TMEM230: variants seen among roughly 807,000 people sequenced by gnomAD.
The protein encoded by TMEM230 is UPF0414 transmembrane protein C20orf30.
A neutral mutation model predicts 15.8 loss-of-function variants in TMEM230; 10 were observed. That is an observed-to-expected ratio of 0.63 (90% CI 0.39 to 1.07). TMEM230 has a LOEUF of 1.07. Ranked by LOEUF, TMEM230 falls within the 50% of genes least tolerant of loss-of-function variation. The pLI, the probability that TMEM230 is intolerant of heterozygous loss-of-function variation, is 0.01. For synonymous variants in TMEM230, 67 were observed against 76.9 expected (o/e 0.87, Z 0.68); for missense variants, 165 against 193.3 (o/e 0.85, Z 0.87).
rs2090384735 is a variant in TMEM230 at position 5,112,896 on chromosome 20, G to A, written c.68+65C>T. 3 of 1,548,312 alleles carry A rather than the reference G, an allele frequency of 1.9e-6. No homozygotes were observed. The South Asian group carries it at 3.6e-5, about 18-fold the overall frequency. On this transcript the variant is annotated intron_variant, in intron 1 of 4. Coordinates refer to ENST00000342308, the MANE Select transcript of TMEM230 (RefSeq NM_001009923.2). Reference sequence around the variant, plus strand: ...GAGCTTGATTTCGGCGGGGAGCGCGGTCTCGGACACGCCCAGAGCCCGAGA... The same window carrying A: ...GAGCTTGATTTCGGCGGGGAGCGCGATCTCGGACACGCCCAGAGCCCGAGA...
chr20:5,080,659 C>T (rs559377839), intron 3 of TMEM230, among the ~76,000 whole-genome samples: 9 of 152,118 alleles, frequency 5.9e-5, no homozygotes, highest in African/African-American at 1.2e-4. Flanking sequence ...CTCTGCCTCC[C>T]GGATTCAAGT....
intron 3 of TMEM230, among the ~76,000 whole-genome samples, chr20:5,089,310 G>A (rs1052031550): frequency 1.3e-5 from 2 of 152,102 alleles, no homozygotes; most frequent in African/African-American, 4.8e-5. Context: ...GGGAGGCGGG[G>A]GTTGCAGTGA....
In TMEM230 at chr20:5,069,597, C is replaced by T. The variant is rs182994747; in HGVS notation, c.223-248G>A. Among the ~76,000 whole-genome samples the T allele has an allele frequency of 5.0e-3, 754 of 152,266 alleles. 5 individuals carry two copies. The highest frequency in any genetic ancestry group is 0.017 in the African/African-American group (722 of 41,550). On this transcript the variant is annotated intron_variant, in intron 3 of 3. Transcript: ENST00000612323. ...AGACACCGACATTTCCTTCCCTCCC[C>T]GTAGATGAATGCTGCAATGCATTTC...
chr20:5,106,292 T>C lies in TMEM230; in HGVS notation c.307A>G (p.Lys103Glu), dbSNP rs373516644. Residue 103 changes from lysine (K) to glutamate (E), a missense_variant, in exon 4 of 5, where the codon AAG becomes GAG. Transcript: ENST00000342308. ...AGTGCGATGGCCTTATAAGGGATCT[T>C]AGGAGGGGTTTTCTTAAACTGGAAG... 1 of 1,605,952 alleles carries C rather than the reference T, an allele frequency of 6.2e-7. No individual in the cohort carries two copies. Among genetic ancestry groups the C allele is most frequent in the Non-Finnish European group, 8.5e-7 (1 of 1,177,852 alleles).
chr20:5,088,378 A>C (rs1342249356), intron 3 of TMEM230, among the ~76,000 whole-genome samples: 2 of 152,180 alleles, frequency 1.3e-5, no homozygotes, highest in East Asian at 3.9e-4. Context: ...AGGGAAAAAA[A>C]GCCAGCATTT....
At chr20:5,099,683 C>T (rs2089778471), downstream of TMEM230, among the ~76,000 whole-genome samples, 1 of 151,936 alleles carries the variant, frequency 6.6e-6, no homozygotes, top group Non-Finnish European at 1.5e-5. Flanking sequence ...CTTCCCACAG[C>T]CTTGCAACTC....
At chr20:5,097,891 TGAGCC>T (rs781703966), downstream of TMEM230, among the ~76,000 whole-genome samples, 2 of 151,294 alleles carry the variant, frequency 1.3e-5, no homozygotes, top group Non-Finnish European at 2.9e-5. Flanking sequence ...ATTACAGGCG[TGAGCC>T]ACCGTACCAG....
downstream of TMEM230, among the ~76,000 whole-genome samples, chr20:5,099,237 AATCAATC>A (rs773033179): frequency 0.2 from 6,171 of 30,894 alleles, 206 homozygotes; most frequent in East Asian, 0.43. Flanking sequence ...TAAATAAATC[AATCAATC>A]AATAATAAAT....
At chr20:5,070,504 GGAA>G (rs368862302) in intron 3 of TMEM230, among the ~76,000 whole-genome samples, 436 of 152,262 alleles carry the variant, frequency 2.9e-3, no homozygotes, top group African/African-American at 9.8e-3. Flanking sequence ...AAGAGAACCT[GGAA>G]GAAGTTGTCT....
chr20:5,093,340 T>A (rs1383256403), intron 3 of TMEM230, among the ~76,000 whole-genome samples: 1 of 144,132 alleles, frequency 6.9e-6, no homozygotes, highest in Admixed American at 6.9e-5. Flanking sequence ...CTCCACCTCC[T>A]GGGCTCAAGC....
intron 3 of TMEM230, among the ~76,000 whole-genome samples, chr20:5,075,452 G>A (rs867432835): frequency 2.0e-5 from 3 of 151,800 alleles, no homozygotes; most frequent in Non-Finnish European, 2.9e-5. Flanking sequence ...GGCCAGGCGC[G>A]GTGGCTCATG....
downstream of TMEM230, chr20:5,099,700 T>A (rs2089779053): frequency 7.3e-6 from 2 of 273,834 alleles, no homozygotes; most frequent in South Asian, 2.9e-4. Context: ...ACTCAGCTGA[T>A]GGCATGTCCA....
chr20:5,106,895 C>T (rs889934417), intron 3 of TMEM230, among the ~76,000 whole-genome samples: 4 of 151,698 alleles, frequency 2.6e-5, no homozygotes, highest in South Asian at 2.1e-4. Flanking sequence ...TCTGTAGAGA[C>T]GAGGTCTCAC....
downstream of TMEM230, chr20:5,068,100 C>G (rs1156719747): frequency 6.6e-6 from 1 of 152,216 alleles, no homozygotes; most frequent in African/African-American, 2.4e-5. Flanking sequence ...CATCCATTAT[C>G]AAGGTCGTTC....
chr20:5,086,486 A>C (rs7264434), intron 3 of TMEM230, among the ~76,000 whole-genome samples: 99,522 of 145,372 alleles, frequency 0.68, 34,826 homozygotes, highest in East Asian at 0.84. Context: ...TTGCAGTAAG[A>C]CGAGATCACG....
chr20:5,069,437 T>G (rs905686218), intron 3 of TMEM230: 1 of 1,388,588 alleles, frequency 7.2e-7, no homozygotes, highest in Non-Finnish European at 9.6e-7. Flanking sequence ...AATCACATCT[T>G]ATGCATTTTG....
At chr20:5,108,393 T>C (rs2090178519) in intron 3 of TMEM230, among the ~76,000 whole-genome samples, 1 of 133,504 alleles carries the variant, frequency 7.5e-6, no homozygotes, top group South Asian at 2.2e-4. Flanking sequence ...CACTCCAGCC[T>C]GGGAAACAAG....
At chr20:5,099,745 T>C, downstream of TMEM230, 6 of 653,474 alleles carry the variant, frequency 9.2e-6, no homozygotes, top group Non-Finnish European at 1.1e-5. Flanking sequence ...ACCTCAGAGT[T>C]AGGGAAAGTT....
intron 2 of TMEM230, 117 bp from the exon 2 acceptor site, chr20:5,109,562 C>A: frequency 1.3e-6 from 1 of 780,452 alleles, no homozygotes; most frequent in Non-Finnish European, 2.1e-6. Context: ...CCATGTCAGA[C>A]TAGCAATGGG....
Sources: gnomAD v4.1 joint callset for allele counts (sites outside exome capture counted in the v4.1 genomes callset) on GRCh38, gnomAD v4.1.1 for gene constraint, MANE v1.5 for transcripts, NCBI Gene and HGNC (gene_info 2026-07-23, HGNC 2026-07-21) for gene names.